The following FHIT variants were observed in gnomAD, a reference collection of about 807,000 sequenced individuals.
FHIT encodes the protein fragile histidine triad diadenosine triphosphatase, also known as bis(5'-adenosyl)-triphosphatase.
A neutral mutation model predicts 17.9 loss-of-function variants in FHIT; 19 were observed. The observed-to-expected ratio is 1.06, with a 90% confidence interval of 0.74 to 1.56. The LOEUF is 1.56. FHIT is among the 40% of genes most tolerant of loss of function. The probability of loss-of-function intolerance (pLI) is 0.00; values close to 1 mark genes in which losing one functional copy is unlikely to be tolerated. For synonymous variants in FHIT, 81 were observed against 69.7 expected (o/e 1.16, Z -0.81); for missense variants, 248 against 189.2 (o/e 1.31, Z -1.82).
At chr3:60,677,852 T>C (rs1007932729) in intron 4 of FHIT, among the ~76,000 whole-genome samples, 1 of 152,198 alleles carries the variant, frequency 6.6e-6, no homozygotes, top group Non-Finnish European at 1.5e-5. Flanking sequence ...TATTCATTAT[T>C]GGTCTGTTTA....
At chr3:59,995,378 T>C (rs1482018769) in intron 7 of FHIT, among the ~76,000 whole-genome samples, 1 of 152,120 alleles carries the variant, frequency 6.6e-6, no homozygotes, top group East Asian at 1.9e-4. Context: ...GTCTTAACTC[T>C]AACTTAAAGT....
At chr3:59,987,137 T>C (rs988937215) in intron 7 of FHIT, among the ~76,000 whole-genome samples, 5 of 144,438 alleles carry the variant, frequency 3.5e-5, no homozygotes, top group Admixed American at 2.1e-4. Context: ...ATAAAATATA[T>C]AATTATATAA....
chr3:60,603,525 G>T (rs1172218210), intron 4 of FHIT, among the ~76,000 whole-genome samples: 73 of 138,758 alleles, frequency 5.3e-4, no homozygotes. Flanking sequence ...GGGATTTAGG[G>T]TATTGTGTTG....
chr3:60,705,369 G>C (rs185667004), intron 4 of FHIT, among the ~76,000 whole-genome samples: 12 of 152,290 alleles, frequency 7.9e-5, no homozygotes, highest in Admixed American at 3.3e-4. Context: ...CCTTGTTTCA[G>C]AGTCAGGCAA....
intron 2 of FHIT, among the ~76,000 whole-genome samples, chr3:61,085,294 C>T (rs140792670): frequency 6.6e-6 from 1 of 152,120 alleles, no homozygotes; most frequent in African/African-American, 2.4e-5. Flanking sequence ...TTCTCCATAT[C>T]TTCACCAGCA....
At chr3:59,953,072 G>A (rs181602902) in intron 7 of FHIT, among the ~76,000 whole-genome samples, 10 of 151,926 alleles carry the variant, frequency 6.6e-5, no homozygotes, top group Admixed American at 3.9e-4. Context: ...GTCCCCTAGC[G>A]TATGTTGTGT....
At position 59,823,103 on chromosome 3, in the gene FHIT, G is replaced by A. The variant is rs143319127; in HGVS notation, c.349-70782C>T. Among the ~76,000 whole-genome samples, 393 of 152,226 alleles carry A rather than the reference G, an allele frequency of 2.6e-3. 1 individual carries two copies. Among genetic ancestry groups the A allele is most frequent in the Non-Finnish European group, 4.3e-3 (294 of 68,006 alleles). On this transcript the variant is annotated intron_variant, in intron 8 of 9. Coordinates refer to ENST00000492590, the MANE Select transcript of FHIT (RefSeq NM_002012.4). Reference sequence around the variant, plus strand: ...TTGTTTGCTTTGTTGAAGATCAATTGACTGTAAGTATTTGGGTTTATTTCT... The same window carrying A: ...TTGTTTGCTTTGTTGAAGATCAATTAACTGTAAGTATTTGGGTTTATTTCT...
chr3:59,900,608 G>A (rs1418486654), intron 8 of FHIT, among the ~76,000 whole-genome samples: 2 of 151,450 alleles, frequency 1.3e-5, no homozygotes, highest in African/African-American at 4.9e-5. Flanking sequence ...GGCCACATAT[G>A]TTTGGTTGTT....
At chr3:59,910,116 A>G (rs1219076821) in intron 8 of FHIT, among the ~76,000 whole-genome samples, 1 of 152,222 alleles carries the variant, frequency 6.6e-6, no homozygotes, top group African/African-American at 2.4e-5. Context: ...CATGTGCCCA[A>G]GGTGATCAGA....
intron 3 of FHIT, among the ~76,000 whole-genome samples, chr3:60,932,813 G>A (rs1240547709): frequency 6.6e-6 from 1 of 152,048 alleles, no homozygotes; most frequent in East Asian, 1.9e-4. Context: ...AGAAAGGAGG[G>A]TAGCCCCTAG....
chr3:59,949,950 CA>C (rs372981744), intron 7 of FHIT, among the ~76,000 whole-genome samples: 58 of 152,328 alleles, frequency 3.8e-4, no homozygotes, highest in Non-Finnish European at 7.5e-4. Flanking sequence ...GAGCTTTATT[CA>C]GTCTTTCTTC....
intron 5 of FHIT, among the ~76,000 whole-genome samples, chr3:60,478,151 C>T (rs1386549649): frequency 1.3e-5 from 2 of 152,154 alleles, no homozygotes; most frequent in Admixed American, 6.5e-5. Context: ...ATTTCACTAC[C>T]AAACATAATT....
intron 8 of FHIT, among the ~76,000 whole-genome samples, chr3:59,783,983 C>A (rs1702723816): frequency 6.6e-6 from 1 of 152,148 alleles, no homozygotes; most frequent in South Asian, 2.1e-4. Context: ...AGAAGGGAAG[C>A]TGGGGAGGAG....
chr3:60,912,639 A>T (rs1441030723), intron 3 of FHIT: 1 of 377,518 alleles, frequency 2.6e-6, no homozygotes, highest in East Asian at 8.2e-5. Flanking sequence ...GGAAAGAAAA[A>T]GTTAATCATC....
chr3:61,005,378 A>G (rs143994217), intron 3 of FHIT, among the ~76,000 whole-genome samples: 76 of 152,276 alleles, frequency 5.0e-4, no homozygotes, highest in African/African-American at 1.7e-3. Flanking sequence ...ACTGCTATAT[A>G]TGATGATGAG....
At chr3:59,827,821 T>C (rs549841558) in intron 8 of FHIT, among the ~76,000 whole-genome samples, 71 of 152,380 alleles carry the variant, frequency 4.7e-4, no homozygotes, top group South Asian at 1.5e-3. Flanking sequence ...ACAGATAATG[T>C]ATATTTTTTA....
chr3:60,510,769 A>G (rs745598126), intron 5 of FHIT, among the ~76,000 whole-genome samples: 2 of 152,212 alleles, frequency 1.3e-5, no homozygotes, highest in Non-Finnish European at 2.9e-5. Context: ...CGAATCCAAA[A>G]TATTAAATTT....
chr3:60,508,868 A>C (rs1017537641), intron 5 of FHIT, among the ~76,000 whole-genome samples: 3 of 152,126 alleles, frequency 2.0e-5, no homozygotes, highest in African/African-American at 7.2e-5. Flanking sequence ...TACCATGCCA[A>C]ATTCCTATAT....
intron 2 of FHIT, among the ~76,000 whole-genome samples, chr3:61,086,815 T>C (rs753907439): frequency 1.3e-5 from 2 of 152,144 alleles, no homozygotes; most frequent in Non-Finnish European, 2.9e-5. Flanking sequence ...AACTAAATCA[T>C]ATTATTCTTC....
Sources: gnomAD v4.1 joint callset for allele counts (sites outside exome capture counted in the v4.1 genomes callset) on GRCh38, gnomAD v4.1.1 for gene constraint, MANE v1.5 for transcripts, NCBI Gene and HGNC (gene_info 2026-07-23, HGNC 2026-07-21) for gene names.